ZNF66: variants seen among roughly 807,000 people sequenced by gnomAD.
ZNF66 encodes the protein zinc finger protein 66.
In ZNF66, 32 loss-of-function variants were observed where a neutral mutation model predicts 35.2. The ratio of observed to expected loss-of-function variants is 0.91; its 90% CI spans 0.69 to 1.22. The LOEUF is 1.22. Among genes scored for constraint, ZNF66 ranks in the 50% most tolerant of loss-of-function variants. The pLI is 0.00. For synonymous variants in ZNF66, 231 were observed against 181.3 expected (o/e 1.27, Z -2.20); for missense variants, 666 against 543.1 (o/e 1.23, Z -2.25).
Position 20,806,542 on chromosome 19 carries a change from A to C in ZNF66, c.942A>C (p.Lys314Asn), listed in dbSNP as rs1209745793. 6.5e-7 allele frequency: 1 copy of C among 1,541,158 alleles called. No homozygotes were observed. The highest frequency in any genetic ancestry group is 1.7e-5 in the Admixed American group (1 of 59,920). Residue 314 changes from lysine (K) to asparagine (N), a missense_variant, in exon 4 of 4, where the codon AAA becomes AAC. Transcript: ENST00000344519. ...TTCATACTGGAGAGAAACCCTACAA[A>C]TGTGAAGAATGTGGTAAAGCCTTCA... The part of the protein sequence containing the change: ...KIIHTGEKPY[K>N]CEECGKAFNW...
chr19:20,806,608 T>C lies in ZNF66; in HGVS notation c.1008T>C (p.Thr336=). Residue 336 remains threonine (T), a synonymous_variant, in exon 4 of 4, where the codon ACT becomes ACC. Transcript: ENST00000344519. The part of the protein sequence containing the change: ...SHLTTHKRIH[T]GEKPYKCEEC... The stretch of plus-strand genomic sequence containing the variant: ...TTACTACACATAAGAGAATTCATAC[T>C]GGAGAGAAACCCTACAAATGTGAAG... The C allele has an allele frequency of 6.3e-7, 1 of 1,593,356 alleles. No homozygotes were observed. The highest frequency in any genetic ancestry group is 8.6e-7 in the Non-Finnish European group (1 of 1,162,288).
rs1201007318 is a variant in ZNF66 at position 20,806,266 on chromosome 19, T to A, written c.666T>A (p.Ile222=). The A allele has an allele frequency of 1.4e-6, 2 of 1,464,520 alleles. No homozygotes were observed. The highest frequency in any genetic ancestry group is 1.9e-6 in the Non-Finnish European group (2 of 1,044,868). The allele number at this position is 1,464,520 out of a possible 1,614,324, so 90.7% of individuals were successfully genotyped here. ...CACACCTTACTACACATAAGATAAT[T>A]CATACTGGAGAGAAACGGTACAAAT... ...RSSHLTTHKI[I]HTGEKRYKCE... is the part of the protein sequence containing the mutation. The change falls in exon 4 of 4, where the codon ATT becomes ATA. Residue 222 remains isoleucine (I), a synonymous_variant. Coordinates refer to ENST00000344519, the MANE Select transcript of ZNF66 (RefSeq NM_001355197.2).
At chr19:20,789,634 C>G (rs569943739) in intron 1 of ZNF66, among the ~76,000 whole-genome samples, 1 of 152,144 alleles carries the variant, frequency 6.6e-6, no homozygotes, top group African/African-American at 2.4e-5. Context: ...TTCTGTATCT[C>G]TTTCATCTGT....
Position 20,785,819 on chromosome 19 carries a change from T to C in ZNF66, c.4-6693T>C, listed in dbSNP as rs184685176. Among the ~76,000 whole-genome samples the C allele has an allele frequency of 4.9e-4, 74 of 152,122 alleles. No homozygotes were observed. The East Asian group carries it at 0.013, about 27-fold the overall frequency. On this transcript the variant is annotated intron_variant, in intron 1 of 3. Coordinates refer to ENST00000344519, the MANE Select transcript of ZNF66 (RefSeq NM_001355197.2). ...ACTCTGTCACCAAGGCTGAGTGTAG[T>C]GGCATGATCTCAGCTCACTGCAACC... is the stretch of plus-strand genomic sequence containing the variant.
At chr19:20,803,305 TTCTG>T (rs150913780) in intron 3 of ZNF66, among the ~76,000 whole-genome samples, 9 of 104,648 alleles carry the variant, frequency 8.6e-5, no homozygotes, top group Non-Finnish European at 1.6e-4. Flanking sequence ...CATTTTCTCT[TTCTG>T]TCTTTTTTTT....
intron 3 of ZNF66, among the ~76,000 whole-genome samples, chr19:20,798,774 A>AT (rs1971419030): frequency 6.6e-6 from 1 of 152,368 alleles, no homozygotes; most frequent in South Asian, 2.1e-4. Flanking sequence ...GTGGAATCAT[A>AT]CAGTATCCAT....
At chr19:20,777,452 ATTTTTT>A (rs756548895) in intron 1 of ZNF66, among the ~76,000 whole-genome samples, 1 of 123,148 alleles carries the variant, frequency 8.1e-6, no homozygotes, top group Non-Finnish European at 1.6e-5. Flanking sequence ...TTGAGCTTAG[ATTTTTT>A]TTTTTTTTTT....
rs62125581 is a variant in ZNF66 at position 20,785,934 on chromosome 19, A to T, written c.4-6578A>T. 2.5e-3 allele frequency among the ~76,000 whole-genome samples: 372 copies of T among 151,700 alleles called. No individual in the cohort carries two copies. In the Middle Eastern group the frequency reaches 0.038, roughly 15 times the overall value. On this transcript the variant is annotated intron_variant, in intron 1 of 3. Coordinates refer to ENST00000344519, the MANE Select transcript of ZNF66 (RefSeq NM_001355197.2). The stretch of plus-strand genomic sequence containing the variant: ...CTGCCACTGTGCTGGGCTCATTTTC[A>T]TGTTGTTAGTAAAGATGGGGTTTCA...
In ZNF66 at chr19:20,806,221, C is replaced by G. The variant is rs772458638; in HGVS notation, c.621C>G (p.Gly207=). 7.2e-7 allele frequency: 1 copy of G among 1,398,138 alleles called. No individual in the cohort carries two copies. Among genetic ancestry groups the G allele is most frequent in the Non-Finnish European group, 1.0e-6 (1 of 984,306 alleles). 86.6% of individuals were successfully genotyped at this position (1,398,138 alleles called of 1,614,324 possible). A position where few individuals can be genotyped will look rare whatever the true frequency, so the allele number is the denominator to read the frequency against. ...AACCCTATAAATGTATAGAATGTGG[C>G]AAAGCCTTCAACCGGTCCTCACACC... ...GEKPYKCIEC[G]KAFNRSSHLT... The change falls in exon 4 of 4, where the codon GGC becomes GGG. Residue 207 remains glycine, a synonymous_variant. Transcript: ENST00000344519.
rs1971502602 is a variant in ZNF66, at chr19:20,806,099, C to T, written c.499C>T (p.His167Tyr). 1 of 906,760 alleles carries T rather than the reference C, an allele frequency of 1.1e-6. No homozygotes were observed. The allele number at this position is 906,760 out of a possible 1,614,324, so 56.2% of individuals were successfully genotyped here. A position where few individuals can be genotyped will look rare whatever the true frequency, so the allele number is the denominator to read the frequency against. ...AAATACAAACAGACATAAGATAAGA[C>T]ATACTGGAAAAAACCCTTGCAAATT... ...FSNTNRHKIR[H>Y]TGKNPCKFTE... Residue 167 changes from histidine (H) to tyrosine (Y), a missense_variant, in exon 4 of 4, where the codon CAT (histidine) becomes TAT (tyrosine). Transcript: ENST00000344519.
intron 3 of ZNF66, among the ~76,000 whole-genome samples, chr19:20,800,017 A>G (rs12976216): frequency 0.38 from 57,730 of 152,010 alleles, 11,577 homozygotes; most frequent in East Asian, 0.46. Flanking sequence ...AGTGTTTTTA[A>G]AGTGATTGGT....
At chr19:20,783,822 G>C (rs13343577) in intron 1 of ZNF66, among the ~76,000 whole-genome samples, 14,180 of 152,208 alleles carry the variant, frequency 0.093, 676 homozygotes, top group Middle Eastern at 0.11. Context: ...GTTATGTTTA[G>C]TGTTTGTAGA....
At chr19:20,792,205 A>C (rs1971344283) in intron 1 of ZNF66, among the ~76,000 whole-genome samples, 2 of 152,178 alleles carry the variant, frequency 1.3e-5, no homozygotes, top group East Asian at 3.8e-4. Flanking sequence ...AAATATTCAC[A>C]ACTCATTCCA....
chr19:20,806,121 A>T lies in ZNF66; in HGVS notation c.521A>T (p.Lys174Ile). The T allele has an allele frequency of 9.5e-7, 1 of 1,051,892 alleles. No homozygotes were observed. The highest frequency in any genetic ancestry group is 1.5e-6 in the Non-Finnish European group (1 of 676,434). 65.2% of individuals were successfully genotyped at this position (1,051,892 alleles called of 1,614,324 possible). A position where few individuals can be genotyped will look rare whatever the true frequency, so the allele number is the denominator to read the frequency against. ...AGACATACTGGAAAAAACCCTTGCA[A>T]ATTTACAGAATGTGGCAAAGCTTTT... ...KIRHTGKNPC[K>I]FTECGKAFNR... Residue 174 changes from lysine (K) to isoleucine (I), a missense_variant, in exon 4 of 4, where the codon AAA (lysine) becomes ATA (isoleucine). Coordinates refer to ENST00000344519, the MANE Select transcript of ZNF66 (RefSeq NM_001355197.2).
At chr19:20,796,866 T>C (rs1446269829) in intron 3 of ZNF66, among the ~76,000 whole-genome samples, 4 of 152,180 alleles carry the variant, frequency 2.6e-5, no homozygotes, top group Non-Finnish European at 5.9e-5. Context: ...TTTTATTTTT[T>C]TTGAGATGGA....
At chr19:20,777,479 T>C (rs971436676) in intron 1 of ZNF66, among the ~76,000 whole-genome samples, 2 of 107,214 alleles carry the variant, frequency 1.9e-5, no homozygotes, top group African/African-American at 6.9e-5. Context: ...TTTTTAGAAA[T>C]AGAAATCCGG....
chr19:20,801,502 C>A (rs1568499603), intron 3 of ZNF66, among the ~76,000 whole-genome samples: 1 of 152,068 alleles, frequency 6.6e-6, no homozygotes, highest in Non-Finnish European at 1.5e-5. Flanking sequence ...TGCCACCACA[C>A]CTGGCTAATT....
intron 3 of ZNF66, among the ~76,000 whole-genome samples, chr19:20,795,083 A>C (rs768085634): frequency 2.9e-4 from 44 of 151,804 alleles, no homozygotes; most frequent in Non-Finnish European, 4.7e-4. Flanking sequence ...CCATGTTGGC[A>C]AGGCTGGTCT....
At position 20,809,491 on chromosome 19, in the gene ZNF66, ACT is replaced by A. The variant is rs1383777066; in HGVS notation, c.*2172_*2173del. On this transcript the variant is annotated 3_prime_UTR_variant, in exon 4 of 4. Coordinates refer to ENST00000344519, the MANE Select transcript of ZNF66 (RefSeq NM_001355197.2). ...ACTCACAGCTGACCTCTTGGCAGAA[ACT>A]CTATAAGCCAGAAGAGAGTGGGGGC... Among the ~76,000 whole-genome samples, 1 of 152,208 alleles carries A rather than the reference ACT, an allele frequency of 6.6e-6. No individual in the cohort carries two copies. The highest frequency in any genetic ancestry group is 1.5e-5 in the Non-Finnish European group (1 of 68,048).
Sources: allele counts gnomAD v4.1 joint callset (sites outside exome capture counted in the v4.1 genomes callset), GRCh38; gene constraint gnomAD v4.1.1; transcripts MANE v1.5; gene names NCBI Gene and HGNC (gene_info 2026-07-23, HGNC 2026-07-21).